AKAP9: variants seen among roughly 807,000 people sequenced by gnomAD.
AKAP9 encodes A-kinase anchor protein 9.
In AKAP9, 311 loss-of-function variants were observed where a neutral mutation model predicts 488.5. The observed-to-expected ratio is 0.64, with a 90% CI of 0.58 to 0.70. The LOEUF (loss-of-function observed/expected upper bound fraction) is 0.70. Ranked by LOEUF, AKAP9 falls within the 30% of genes least tolerant of loss-of-function variation. The pLI, the probability that AKAP9 is intolerant of heterozygous loss-of-function variation, is 0.00. For missense variants in AKAP9, 4,215 were observed against 4,374.5 expected, an observed-to-expected ratio of 0.96 and a Z score of 1.03; for synonymous variants, 1,462 against 1,483.5, an observed-to-expected ratio of 0.99 and a Z score of 0.33.
intron 25 of AKAP9, 86 bp from the exon 26 acceptor site, chr7:92,066,341 A>G: frequency 3.9e-6 from 6 of 1,522,224 alleles, no homozygotes; most frequent in Non-Finnish European, 5.4e-6. Flanking sequence ...AACAAAACTA[A>G]CATATCTCTA....
chr7:92,085,375 T>C, intron 35 of AKAP9, 120 bp from the exon 36 acceptor site: 2 of 953,826 alleles, frequency 2.1e-6, no homozygotes, highest in Non-Finnish European at 3.3e-6. Context: ...TTCAGTAATG[T>C]TGGGCTGGAG....
chr7:92,066,614 A>G (rs1431217488), intron 26 of AKAP9, 68 bp downstream of exon 26: 1 of 1,572,612 alleles, frequency 6.4e-7, no homozygotes, highest in Admixed American at 1.7e-5. Context: ...GATGCATATC[A>G]TTAAAAACTT....
chr7:92,048,026 A>T (rs1807299755), intron 21 of AKAP9, among the ~76,000 whole-genome samples: 1 of 152,118 alleles, frequency 6.6e-6, no homozygotes, highest in Non-Finnish European at 1.5e-5. Context: ...ATAATTTAAA[A>T]TTTTTAATTT....
At position 92,002,561 on chromosome 7, in the gene AKAP9, AAAAAT is replaced by A; in HGVS notation, c.2648_2652del (p.Asn883ThrfsTer6). 6.2e-7 allele frequency: 1 copy of A among 1,609,444 alleles called. No individual in the cohort carries two copies. The highest frequency in any genetic ancestry group is 1.1e-5 in the South Asian group (1 of 89,946). On this transcript the variant is annotated frameshift_variant, in exon 8 of 50. Coordinates refer to ENST00000356239, the MANE Select transcript of AKAP9 (RefSeq NM_005751.5). LOFTEE classifies it high-confidence loss of function. ...AGTAAAAGATGATTTAGAAGACAGT[AAAAAT>A]AAACAGGAATTAGAGTATAAAAGTA... is the stretch of plus-strand genomic sequence containing the variant.
chr7:92,093,508 A>G (rs1198820732), intron 39 of AKAP9, among the ~76,000 whole-genome samples, 192 bp downstream of exon 39: 2 of 152,216 alleles, frequency 1.3e-5, no homozygotes, highest in African/African-American at 2.4e-5. Context: ...TGATTATAGC[A>G]TATTCTCTAC....
intron 24 of AKAP9, among the ~76,000 whole-genome samples, chr7:92,062,719 T>C (rs1405911513): frequency 6.6e-6 from 1 of 152,178 alleles, no homozygotes; most frequent in Non-Finnish European, 1.5e-5. Context: ...AAGATAGTTC[T>C]TCATTTATCC....
chr7:91,963,481 G>GTCTC (rs201798425), intron 1 of AKAP9, among the ~76,000 whole-genome samples: 1 of 115,640 alleles, frequency 8.6e-6, no homozygotes, highest in African/African-American at 3.4e-5. Context: ...TAACATATTT[G>GTCTC]TCACACACAC....
At chr7:92,005,256 C>A (rs552712971) in intron 8 of AKAP9, among the ~76,000 whole-genome samples, 9 of 152,236 alleles carry the variant, frequency 5.9e-5, no homozygotes, top group Non-Finnish European at 1.3e-4. Flanking sequence ...CGATGTTCAT[C>A]AGGATATTGG....
chr7:91,973,731 A>T lies in AKAP9; in HGVS notation c.69A>T (p.Arg23Ser). ...CTTAGCTTGCCCAGTTTCGACAAAG[A>T]AAAGCTCAGTCGGATGGGCAGAGTC... The part of the protein sequence containing the change: ...GKAKLAQFRQ[R>S]KAQSDGQSPS... Residue 23 changes from arginine (R) to serine (S), a missense_variant, in exon 2 of 50, where the codon AGA becomes AGT. Arg to Ser is a moderately radical substitution (Grantham distance 110, BLOSUM62 -1). Around this residue, in one of 5 missense-constraint regions of AKAP9, gnomAD observed 2,361 missense variants for 2,430.0 expected, o/e 0.97. Coordinates refer to ENST00000356239, the MANE Select transcript of AKAP9 (RefSeq NM_005751.5). The T allele has an allele frequency of 6.2e-7, 1 of 1,614,140 alleles. No individual in the cohort carries two copies. The highest frequency in any genetic ancestry group is 8.5e-7 in the Non-Finnish European group (1 of 1,180,004).
intron 7 of AKAP9, among the ~76,000 whole-genome samples, chr7:91,998,618 G>T (rs576924941): frequency 1.3e-5 from 2 of 151,490 alleles, no homozygotes; most frequent in African/African-American, 4.8e-5. Flanking sequence ...AAATGATACT[G>T]TTTTATGAAG....
rs2077364159 is a variant in AKAP9, at chr7:92,070,825, A to AG, written c.6508-79dup. ...GCTTCTCAAAAAAAAAAAAAAAAAA[A>AG]GCAGACCAAAAAACAAAAAAAAACT... On this transcript the variant is annotated intron_variant, in intron 27 of 49. Coordinates refer to ENST00000356239, the MANE Select transcript of AKAP9 (RefSeq NM_005751.5). The AG allele has an allele frequency of 4.5e-6, 4 of 898,578 alleles. No homozygotes were observed. In the South Asian group the frequency reaches 4.7e-5, roughly 11 times the overall value. The allele number at this position is 898,578 out of a possible 1,614,324, so 55.7% of individuals were successfully genotyped here. A position where few individuals can be genotyped will look rare whatever the true frequency, so the allele number is the denominator to read the frequency against.
chr7:92,036,247 T>A (rs2130770877), intron 16 of AKAP9, among the ~76,000 whole-genome samples: 1 of 152,240 alleles, frequency 6.6e-6, no homozygotes, highest in South Asian at 2.1e-4. Context: ...GTAATACGTC[T>A]TTTTTCTTTA....
intron 21 of AKAP9, among the ~76,000 whole-genome samples, chr7:92,046,262 CAT>C (rs1444278212): frequency 2.6e-5 from 4 of 152,136 alleles, no homozygotes; most frequent in African/African-American, 9.7e-5. Context: ...GATGGAGAAA[CAT>C]AGGATGTGGA....
At chr7:92,051,225 A>G (rs1012733266) in intron 21 of AKAP9, among the ~76,000 whole-genome samples, 1 of 152,166 alleles carries the variant, frequency 6.6e-6, no homozygotes, top group African/African-American at 2.4e-5. Context: ...TAAAAAGCCT[A>G]GAGTTCCCAT....
At chr7:92,092,948 G>A in intron 38 of AKAP9, 149 bp from the exon 39 acceptor site, 1 of 684,064 alleles carries the variant, frequency 1.5e-6, no homozygotes. Context: ...ACCATGCCTG[G>A]ACTGCATTAC....
Position 92,070,068 on chromosome 7 carries a change from C to G in AKAP9, c.6369C>G (p.Asp2123Glu). ...QLANHLKEKT[D>E]KCSELLLSKE... is the part of the protein sequence containing the mutation. Reference sequence around the variant, plus strand: ...CAAATCATCTGAAAGAAAAAACAGACAAATGCAGTGAGCTTTTGCTCTCTA... The same window carrying G: ...CAAATCATCTGAAAGAAAAAACAGAGAAATGCAGTGAGCTTTTGCTCTCTA... The change falls in exon 27 of 50, where the codon GAC (aspartate) becomes GAG (glutamate). Residue 2123 changes from aspartate to glutamate, a missense_variant. By Grantham distance (45) the Asp-to-Glu change is conservative (BLOSUM62 2). Coordinates refer to ENST00000356239, the MANE Select transcript of AKAP9 (RefSeq NM_005751.5). 1 of 1,613,544 alleles carries G rather than the reference C, an allele frequency of 6.2e-7. No homozygotes were observed. The highest frequency in any genetic ancestry group is 8.5e-7 in the Non-Finnish European group (1 of 1,179,880).
At chr7:92,095,488 T>C (rs1816412402) in intron 40 of AKAP9, among the ~76,000 whole-genome samples, 1 of 152,120 alleles carries the variant, frequency 6.6e-6, no homozygotes, top group African/African-American at 2.4e-5. Flanking sequence ...ACAGAGGTAG[T>C]TTTGGTTCCT....
intron 7 of AKAP9, among the ~76,000 whole-genome samples, chr7:91,996,903 T>C (rs1329791010): frequency 6.6e-6 from 1 of 152,170 alleles, no homozygotes; most frequent in African/African-American, 2.4e-5. Flanking sequence ...TATTAACTCA[T>C]TGAATCATCA....
intron 20 of AKAP9, among the ~76,000 whole-genome samples, chr7:92,043,917 T>G (rs959909790): frequency 1.3e-5 from 2 of 152,214 alleles, no homozygotes; most frequent in Non-Finnish European, 2.9e-5. Context: ...TCTTTTATTT[T>G]GTCTGCATGT....
Sources: gnomAD v4.1 joint callset for allele counts (sites outside exome capture counted in the v4.1 genomes callset) on GRCh38, gnomAD v4.1.1 for gene constraint, gnomAD v4.1.1 regional missense constraint, MANE v1.5 for transcripts, NCBI Gene and HGNC (gene_info 2026-07-23, HGNC 2026-07-21) for gene names.